Variants in ZBTB40 observed in about 807,000 individuals in gnomAD.
The protein encoded by ZBTB40 is zinc finger and BTB domain-containing protein 40.
A neutral mutation model predicts 117.5 loss-of-function variants in ZBTB40; 60 were observed. The observed-to-expected ratio is 0.51, with a 90% confidence interval of 0.41 to 0.63. The LOEUF (loss-of-function observed/expected upper bound fraction) is 0.63. ZBTB40 is among the 30% of genes least tolerant of loss of function. The probability of loss-of-function intolerance (pLI) is 0.00; values close to 1 mark genes in which losing one functional copy is unlikely to be tolerated. For missense variants in ZBTB40, 1,287 were observed against 1,498.5 expected, an observed-to-expected ratio of 0.86 and a Z score of 2.33; for synonymous variants, 525 against 577.1, an observed-to-expected ratio of 0.91 and a Z score of 1.29.
intron 3 of ZBTB40, among the ~76,000 whole-genome samples, chr1:22,493,368 A>C (rs1023679966): frequency 3.3e-5 from 5 of 152,208 alleles, no homozygotes; most frequent in African/African-American, 9.7e-5. Context: ...GGGAACAGAT[A>C]CTTTAAGAAT....
Position 22,488,394 on chromosome 1 carries a change from G to T in ZBTB40, c.-69-1486G>T, listed in dbSNP as rs1638532886. Among the ~76,000 whole-genome samples, 4 of 152,222 alleles carry T rather than the reference G, an allele frequency of 2.6e-5. No individual in the cohort carries two copies. In the South Asian group the frequency reaches 8.3e-4, roughly 32 times the overall value. ...AGACGAAGGAGCGGGATGTTCTGAG[G>T]TTGGAGGGGAGGTTGCTTGTTGAAA... On this transcript the variant is annotated intron_variant, in intron 1 of 17. Coordinates refer to ENST00000375647, the MANE Select transcript of ZBTB40 (RefSeq NM_014870.4).
chr1:22,446,223 GA>G (rs71020420), intron 1 of ZBTB40, among the ~76,000 whole-genome samples: 443 of 111,530 alleles, frequency 4.0e-3, no homozygotes, highest in African/African-American at 7.6e-3. Flanking sequence ...CTCCAAAACT[GA>G]AAAAAAAAAA....
chr1:22,500,711 A>G (rs1307389928), intron 3 of ZBTB40, among the ~76,000 whole-genome samples: 1 of 152,222 alleles, frequency 6.6e-6, no homozygotes, highest in Non-Finnish European at 1.5e-5. Context: ...TTAGGGGAAG[A>G]ATCTGTGAAG....
At chr1:22,503,250 C>T (rs1034226801) in intron 5 of ZBTB40, among the ~76,000 whole-genome samples, 1 of 151,026 alleles carries the variant, frequency 6.6e-6, no homozygotes, top group Non-Finnish European at 1.5e-5. Context: ...AATTTTCAAG[C>T]GTTTGATATA....
intron 8 of ZBTB40, 104 bp from the exon 9 acceptor site, chr1:22,508,995 TA>T (rs1294467330): frequency 1.9e-6 from 3 of 1,568,270 alleles, no homozygotes; most frequent in African/African-American, 1.4e-5. Flanking sequence ...AGATAGGAGA[TA>T]GGGGAAATGC....
intron 1 of ZBTB40, among the ~76,000 whole-genome samples, chr1:22,485,626 A>G (rs1638444746): frequency 1.3e-5 from 2 of 152,076 alleles, no homozygotes; most frequent in South Asian, 4.1e-4. Context: ...GGAAATTCTC[A>G]GTCATTATTG....
In ZBTB40 at chr1:22,441,354, G is replaced by A. The variant is rs115519228; in HGVS notation, c.-70+12340G>A. Reference sequence around the variant, plus strand: ...GAGTCTCCTCTTTTATTCTTAGTCTGTCTAGCTAAAGATTTGTCAATTTTG... The same window carrying A: ...GAGTCTCCTCTTTTATTCTTAGTCTATCTAGCTAAAGATTTGTCAATTTTG... On this transcript the variant is annotated intron_variant, in intron 1 of 8. Coordinates refer to the ZBTB40 transcript ENST00000650433. Among the ~76,000 whole-genome samples, 234 of 151,596 alleles carry A rather than the reference G, an allele frequency of 1.5e-3. 1 individual carries two copies. Among genetic ancestry groups the A allele is most frequent in the African/African-American group, 5.5e-3 (226 of 41,340 alleles).
chr1:22,490,981 C>T lies in ZBTB40; in HGVS notation c.697+336C>T, dbSNP rs530342020. ...CATGATCTCAGCTCACTGCAACCTC[C>T]GCCTCCTGGGTTCAAGCAATTCTCC... On this transcript the variant is annotated intron_variant, in intron 2 of 17. Coordinates refer to ENST00000375647, the MANE Select transcript of ZBTB40 (RefSeq NM_014870.4). Among the ~76,000 whole-genome samples the T allele has an allele frequency of 2.0e-5, 3 of 152,268 alleles. No individual in the cohort carries two copies. The South Asian group carries it at 6.2e-4, about 32-fold the overall frequency.
In ZBTB40 at chr1:22,526,482, T is replaced by G. The variant is rs1445496863; in HGVS notation, c.*86T>G. On this transcript the variant is annotated 3_prime_UTR_variant, in exon 18 of 18. Transcript: ENST00000375647. ...GCCCTTTGCCCTCCATCCCTGGCTG[T>G]CCTGAGTGGTGAGCATCTTAGCTTA... The G allele has an allele frequency of 6.4e-7, 1 of 1,550,746 alleles. No individual in the cohort carries two copies. Among genetic ancestry groups the G allele is most frequent in the Non-Finnish European group, 8.8e-7 (1 of 1,130,900 alleles).
At chr1:22,465,550 G>C (rs1398970272) in intron 1 of ZBTB40, among the ~76,000 whole-genome samples, 1 of 152,154 alleles carries the variant, frequency 6.6e-6, no homozygotes, top group Non-Finnish European at 1.5e-5. Context: ...ACCTTACTGG[G>C]ACCTGCCCCC....
chr1:22,455,446 C>T (rs759304115), intron 1 of ZBTB40, among the ~76,000 whole-genome samples: 1 of 152,178 alleles, frequency 6.6e-6, no homozygotes, highest in African/African-American at 2.4e-5. Flanking sequence ...TTTAAACTCT[C>T]CCTAGTAACC....
At chr1:22,492,393 A>T (rs1638657048) in intron 3 of ZBTB40, among the ~76,000 whole-genome samples, 2 of 152,280 alleles carry the variant, frequency 1.3e-5, no homozygotes, top group South Asian at 4.1e-4. Flanking sequence ...ATCTCTCAAT[A>T]CTTGATTCTT....
In ZBTB40 at chr1:22,513,563, TG is replaced by T. The variant is rs1347085353; in HGVS notation, c.2668+435del. ...AAAAATACAAAAAATTAGCCAGGCG[TG>T]GTGGCGGGCACCTGGAGTCTCAGCT... On this transcript the variant is annotated intron_variant, in intron 12 of 17. Coordinates refer to ENST00000375647, the MANE Select transcript of ZBTB40 (RefSeq NM_014870.4). This position sits in a 1 kb window ranked among gnomAD's most constrained non-coding sequence, Gnocchi z 4.9. Among the ~76,000 whole-genome samples the T allele has an allele frequency of 6.6e-6, 1 of 152,104 alleles. No individual in the cohort carries two copies. The highest frequency in any genetic ancestry group is 1.5e-5 in the Non-Finnish European group (1 of 68,012).
At chr1:22,465,396 CAG>C (rs893250329) in intron 1 of ZBTB40, among the ~76,000 whole-genome samples, 1 of 152,152 alleles carries the variant, frequency 6.6e-6, no homozygotes, top group African/African-American at 2.4e-5. Flanking sequence ...TTATGGGCCT[CAG>C]AGGGGAGGAA....
rs1001547 is a variant in ZBTB40, at chr1:22,469,779, C to T, written c.-70+17775C>T. Reference sequence around the variant, plus strand: ...CTTTGAACTCCTGACCTTAAATGACCGCCTGCCTTGGCCTCCCAAAGTGCT... The same window carrying T: ...CTTTGAACTCCTGACCTTAAATGACTGCCTGCCTTGGCCTCCCAAAGTGCT... On this transcript the variant is annotated intron_variant, in intron 1 of 17. Coordinates refer to ENST00000375647, the MANE Select transcript of ZBTB40 (RefSeq NM_014870.4). Among the ~76,000 whole-genome samples the T allele has an allele frequency of 1.1e-3, 170 of 152,098 alleles. 1 individual carries two copies. Among genetic ancestry groups the T allele is most frequent in the Admixed American group, 2.9e-3 (44 of 15,272 alleles).
rs1036522930 is a variant in ZBTB40 at position 22,530,767 on chromosome 1, C to T, written c.*4371C>T. 11 of 152,282 alleles carry T rather than the reference C, an allele frequency of 7.2e-5. No homozygotes were observed. The highest frequency in any genetic ancestry group is 1.2e-4 in the African/African-American group (5 of 41,412). 9.4% of individuals were successfully genotyped at this position (152,282 alleles called of 1,614,324 possible). On this transcript the variant is annotated 3_prime_UTR_variant, in exon 18 of 18. Transcript: ENST00000375647. ...TCTTTGGTTCTGGGCCAGTGTCAGA[C>T]GGGGACAGGGGTGATAGGCCTGGTG...
At chr1:22,523,109 G>A (rs944564616) in intron 16 of ZBTB40, among the ~76,000 whole-genome samples, 4 of 151,310 alleles carry the variant, frequency 2.6e-5, no homozygotes, top group South Asian at 2.1e-4. Flanking sequence ...CACCACACCC[G>A]ACTAATTTTT....
chr1:22,485,827 A>G (rs986500000), intron 1 of ZBTB40, among the ~76,000 whole-genome samples: 1 of 152,026 alleles, frequency 6.6e-6, no homozygotes, highest in African/African-American at 2.4e-5. Context: ...CCAGTCTACT[A>G]ATGAGCTCAT....
chr1:22,490,148 G>T lies in ZBTB40; in HGVS notation c.200G>T (p.Ser67Ile). 1 of 1,614,188 alleles carries T rather than the reference G, an allele frequency of 6.2e-7. No individual in the cohort carries two copies. Among genetic ancestry groups the T allele is most frequent in the Non-Finnish European group, 8.5e-7 (1 of 1,180,026 alleles). The change falls in exon 2 of 18, where the codon AGC becomes ATC. Residue 67 changes from serine to isoleucine, a missense_variant. Transcript: ENST00000375647. ...DTISIDASVVSPEEFALLLEM... is the reference protein window; with the variant it reads ...DTISIDASVVIPEEFALLLEM... ...ATCTCCATCGATGCATCTGTGGTGA[G>T]CCCCGAGGAGTTTGCGCTCTTGTTG...
Sources: allele counts gnomAD v4.1 joint callset (sites outside exome capture counted in the v4.1 genomes callset), GRCh38; gene constraint gnomAD v4.1.1; non-coding constraint Gnocchi (gnomAD v3.1); transcripts MANE v1.5; gene names NCBI Gene and HGNC (gene_info 2026-07-23, HGNC 2026-07-21).